Variants in PTPRS observed in about 807,000 individuals in gnomAD.
PTPRS encodes the protein receptor-type tyrosine-protein phosphatase S.
PTPRS carries 63 observed loss-of-function variants against 215.3 expected under a neutral mutation model. The ratio of observed to expected loss-of-function variants is 0.29; its 90% CI spans 0.24 to 0.36. The LOEUF is 0.36. PTPRS is among the 10% of genes least tolerant of loss of function. The pLI is 1.00. For missense variants in PTPRS, 2,258 were observed against 2,825.8 expected (o/e 0.80, Z 4.56); for synonymous variants, 1,404 against 1,191.4 (o/e 1.18, Z -3.68).
chr19:5,262,845 G>A (rs2046109640), intron 6 of PTPRS, 119 bp downstream of exon 6: 2 of 1,131,734 alleles, frequency 1.8e-6, no homozygotes, highest in Non-Finnish European at 2.6e-6. Context: ...AACATACCAG[G>A]CAGAGTGGGT....
intron 6 of PTPRS, 103 bp downstream of exon 6, chr19:5,262,861 T>A (rs1053322905): frequency 2.2e-5 from 28 of 1,285,120 alleles, no homozygotes; most frequent in Non-Finnish European, 2.9e-5. Flanking sequence ...TGGGTCACAG[T>A]TACCATCACG....
chr19:5,272,088 C>G (rs1206662716), intron 4 of PTPRS, among the ~76,000 whole-genome samples: 1 of 152,122 alleles, frequency 6.6e-6, no homozygotes, highest in African/African-American at 2.4e-5. Flanking sequence ...CTAGGTCACA[C>G]AGCAACCAAG....
chr19:5,224,537 G>A (rs2042304482), intron 17 of PTPRS, among the ~76,000 whole-genome samples: 2 of 152,216 alleles, frequency 1.3e-5, no homozygotes, highest in African/African-American at 4.8e-5. Flanking sequence ...GAGGTTCTGG[G>A]ATCAGGCAAA....
At position 5,229,910 on chromosome 19, in the gene PTPRS, C is replaced by T. The variant is rs530246752; in HGVS notation, c.2156-226G>A. On this transcript the variant is annotated intron_variant, in intron 14 of 37. Coordinates refer to ENST00000262963, the MANE Select transcript of PTPRS (RefSeq NM_002850.4). ...GCGCCCCATGGATCCAGGCTGCCCC[C>T]CCCCGAGTCTAAACCACCTTCCCAG... 1.1e-4 allele frequency among the ~76,000 whole-genome samples: 17 copies of T among 152,056 alleles called. No homozygotes were observed. In the East Asian group the frequency reaches 3.1e-3, roughly 28 times the overall value.
chr19:5,240,090 A>C (rs1374734151), intron 12 of PTPRS, 109 bp downstream of exon 12: 2 of 1,268,090 alleles, frequency 1.6e-6, no homozygotes, highest in African/African-American at 3.1e-5. Flanking sequence ...GGAAGAGCAG[A>C]ATCCGCAGCA....
chr19:5,216,685 G>A (rs1452677106), intron 26 of PTPRS, 35 bp downstream of exon 26: 31 of 1,490,454 alleles, frequency 2.1e-5, no homozygotes, highest in Non-Finnish European at 2.8e-5. Context: ...GGGGGCGGGG[G>A]CGAAAGGAAG....
At chr19:5,321,208 G>C (rs2050016382) in intron 1 of PTPRS, among the ~76,000 whole-genome samples, 1 of 152,220 alleles carries the variant, frequency 6.6e-6, no homozygotes, top group African/African-American at 2.4e-5. Context: ...GGGAGGTTGA[G>C]GCTGCAGTGA....
At chr19:5,302,387 T>C (rs746968063) in intron 1 of PTPRS, among the ~76,000 whole-genome samples, 1 of 152,104 alleles carries the variant, frequency 6.6e-6, no homozygotes, top group Non-Finnish European at 1.5e-5. Flanking sequence ...TTCATGCCAC[T>C]GTCTCCCGTC....
chr19:5,226,278 C>T (rs931007304), intron 16 of PTPRS, among the ~76,000 whole-genome samples: 15 of 152,228 alleles, frequency 9.9e-5, no homozygotes, highest in Admixed American at 6.5e-5. Flanking sequence ...TCCTCCAATG[C>T]ACCAGGCACA....
chr19:5,331,765 C>T (rs1303293766), intron 1 of PTPRS, among the ~76,000 whole-genome samples: 1 of 152,222 alleles, frequency 6.6e-6, no homozygotes, highest in East Asian at 1.9e-4. Flanking sequence ...AGATAATTCG[C>T]AGCCCTGCCC....
At chr19:5,265,238 A>G (rs749575715) in intron 4 of PTPRS, 42 bp from the exon 5 acceptor site, 1 of 1,563,652 alleles carries the variant, frequency 6.4e-7, no homozygotes, top group Non-Finnish European at 8.7e-7. Flanking sequence ...GGTTCTGAGC[A>G]CTGCACAGCC....
Position 5,286,118 on chromosome 19 carries a change from C to T in PTPRS, c.23G>A (p.Gly8Asp). MAPTWGP[G>D]MVSVVGPMGL... The stretch of plus-strand genomic sequence containing the variant: ...CATGGGACCAACCACAGACACCATG[C>T]CAGGGCCCCAGGTGGGCGCCATGCT... Residue 8 changes from glycine to aspartate, a missense_variant, in exon 2 of 38, where the codon GGC (glycine) becomes GAC (aspartate). Physicochemically the swap from Gly to Asp is moderately conservative, Grantham distance 94. Coordinates refer to ENST00000262963, the MANE Select transcript of PTPRS (RefSeq NM_002850.4). The T allele has an allele frequency of 6.2e-7, 1 of 1,614,102 alleles. No homozygotes were observed. Among genetic ancestry groups the T allele is most frequent in the Non-Finnish European group, 8.5e-7 (1 of 1,179,994 alleles).
At chr19:5,241,658 G>A (rs938575425) in intron 11 of PTPRS, among the ~76,000 whole-genome samples, 1 of 151,804 alleles carries the variant, frequency 6.6e-6, no homozygotes, top group South Asian at 2.1e-4. Context: ...CAACCGTCCC[G>A]GCCCTTTGCT....
chr19:5,320,195 C>G (rs947525103), intron 1 of PTPRS, among the ~76,000 whole-genome samples: 2 of 152,226 alleles, frequency 1.3e-5, no homozygotes, highest in African/African-American at 4.8e-5. Context: ...CTCTGCCATC[C>G]GGCGGCTCAA....
chr19:5,229,281 A>C (rs753386477), intron 16 of PTPRS, 35 bp downstream of exon 16: 13 of 1,369,390 alleles, frequency 9.5e-6, no homozygotes, highest in Admixed American at 3.1e-5. Flanking sequence ...CGGGAAGCGC[A>C]CAGCAGTAGG....
chr19:5,218,770 G>A lies in PTPRS; in HGVS notation c.3935+17C>T, dbSNP rs757393499. On this transcript the variant is annotated intron_variant, in intron 24 of 37. Transcript: ENST00000262963. The stretch of plus-strand genomic sequence containing the variant: ...TCCTCTTGCCTGAAGCCTCCACGGG[G>A]GAGGGCTGGTTCTTACCTGTCGGGT... The A allele has an allele frequency of 2.5e-6, 4 of 1,612,382 alleles. No individual in the cohort carries two copies. In the South Asian group the frequency reaches 3.3e-5, roughly 13 times the overall value.
intron 1 of PTPRS, among the ~76,000 whole-genome samples, chr19:5,305,759 A>T (rs969981667): frequency 8.7e-6 from 1 of 114,944 alleles, no homozygotes; most frequent in Admixed American, 8.7e-5. Flanking sequence ...ATATATATAT[A>T]TATATATTTT....
chr19:5,314,397 C>G (rs2049806865), intron 1 of PTPRS, among the ~76,000 whole-genome samples: 1 of 152,098 alleles, frequency 6.6e-6, no homozygotes. Context: ...CTCTCTGGAT[C>G]TGCTTATCTT....
At chr19:5,305,765 A>ATATTTT (rs1491188046) in intron 1 of PTPRS, among the ~76,000 whole-genome samples, 6 of 93,388 alleles carry the variant, frequency 6.4e-5, no homozygotes, top group African/African-American at 2.7e-4. Flanking sequence ...ATATATATAT[A>ATATTTT]TTTTTTTTTT....
Sources: gnomAD v4.1 joint callset for allele counts (sites outside exome capture counted in the v4.1 genomes callset) on GRCh38, gnomAD v4.1.1 for gene constraint, MANE v1.5 for transcripts, NCBI Gene and HGNC (gene_info 2026-07-23, HGNC 2026-07-21) for gene names.